PARM1: variants seen among roughly 807,000 people sequenced by gnomAD.
The protein encoded by PARM1 is WSC4, cell wall integrity and stress response component 4 homolog.
PARM1 carries 14 observed loss-of-function variants against 24.6 expected under a neutral mutation model. The ratio of observed to expected loss-of-function variants is 0.57; its 90% CI spans 0.38 to 0.89. The LOEUF is 0.89. Among genes scored for constraint, PARM1 ranks in the 40% least tolerant of loss-of-function variants. The pLI is 0.00. For synonymous variants in PARM1, 179 were observed against 156.6 expected (o/e 1.14, Z -1.07); for missense variants, 362 against 380.4 (o/e 0.95, Z 0.40).
chr4:75,039,426 C>T (rs1324397999), intron 3 of PARM1, among the ~76,000 whole-genome samples: 7 of 151,922 alleles, frequency 4.6e-5, no homozygotes, highest in Admixed American at 1.3e-4. Context: ...CCCAGCTGCT[C>T]GGGAGGCTGA....
In PARM1 at chr4:75,046,258, T is replaced by C. The variant is rs749995007; in HGVS notation, c.*11T>C. ...TACGATGACTCCTAACAATGGAATA[T>C]GGCCTGGGATGAGGATTAACTGTTC... On this transcript the variant is annotated 3_prime_UTR_variant, in exon 4 of 4. Transcript: ENST00000307428. 1.1e-5 allele frequency: 17 copies of C among 1,532,880 alleles called. No individual in the cohort carries two copies. Among genetic ancestry groups the C allele is most frequent in the Middle Eastern group, 1.7e-4 (1 of 5,930 alleles). 95.0% of individuals were successfully genotyped at this position (1,532,880 alleles called of 1,614,324 possible). A position where few individuals can be genotyped will look rare whatever the true frequency, so the allele number is the denominator to read the frequency against.
rs530044752 is a variant in PARM1, at chr4:74,950,390, C to T, written c.43+17020C>T. Among the ~76,000 whole-genome samples, 10 of 152,296 alleles carry T rather than the reference C, an allele frequency of 6.6e-5. No individual in the cohort carries two copies. In the South Asian group the frequency reaches 1.7e-3, roughly 25 times the overall value. On this transcript the variant is annotated intron_variant, in intron 1 of 3. Coordinates refer to ENST00000307428, the MANE Select transcript of PARM1 (RefSeq NM_015393.4). The stretch of plus-strand genomic sequence containing the variant: ...TCCTTGGCTTGGGGCTGCATCACTT[C>T]AATCTCCACCTCTGTCTCACATGGC...
At chr4:75,028,326 C>T (rs1166640289) in intron 2 of PARM1, among the ~76,000 whole-genome samples, 1 of 152,196 alleles carries the variant, frequency 6.6e-6, no homozygotes, top group African/African-American at 2.4e-5. Context: ...CCTCGCCAGT[C>T]GCCCACTTCC....
At chr4:75,045,809 C>A (rs921952856) in intron 3 of PARM1, among the ~76,000 whole-genome samples, 1 of 152,238 alleles carries the variant, frequency 6.6e-6, no homozygotes, top group African/African-American at 2.4e-5. Flanking sequence ...AGCCCAGAAC[C>A]TAAGTCAGAA....
intron 1 of PARM1, among the ~76,000 whole-genome samples, chr4:74,966,461 C>A (rs1721904108): frequency 6.6e-6 from 1 of 152,086 alleles, no homozygotes; most frequent in Non-Finnish European, 1.5e-5. Flanking sequence ...GAAGAGGATT[C>A]TTGAAGGCAA....
intron 1 of PARM1, among the ~76,000 whole-genome samples, chr4:74,999,930 A>T (rs1004129067): frequency 5.9e-5 from 9 of 152,138 alleles, no homozygotes; most frequent in African/African-American, 1.9e-4. Context: ...TAAGGTGGAA[A>T]AACACAATCA....
At chr4:74,976,812 G>A (rs1213429885) in intron 1 of PARM1, among the ~76,000 whole-genome samples, 1 of 152,184 alleles carries the variant, frequency 6.6e-6, no homozygotes, top group East Asian at 1.9e-4. Flanking sequence ...GAGGGACCCA[G>A]GTGAATAGGG....
intron 1 of PARM1, among the ~76,000 whole-genome samples, chr4:74,950,551 C>T (rs947159102): frequency 1.3e-5 from 2 of 152,186 alleles, no homozygotes; most frequent in African/African-American, 4.8e-5. Flanking sequence ...AACAAGGTGA[C>T]ATTCACACGT....
At chr4:74,958,227 G>A (rs944719593) in intron 1 of PARM1, among the ~76,000 whole-genome samples, 2 of 152,100 alleles carry the variant, frequency 1.3e-5, no homozygotes, top group African/African-American at 4.8e-5. Context: ...AAGATATTTT[G>A]ATATTTTTAT....
intron 3 of PARM1, among the ~76,000 whole-genome samples, chr4:75,041,903 A>G (rs930091260): frequency 1.3e-5 from 2 of 152,214 alleles, no homozygotes; most frequent in Admixed American, 6.5e-5. Context: ...CACATTGACA[A>G]TAAGCACAGT....
chr4:75,028,881 G>A (rs985208535), intron 2 of PARM1, among the ~76,000 whole-genome samples: 11 of 152,160 alleles, frequency 7.2e-5, no homozygotes, highest in African/African-American at 2.7e-4. Flanking sequence ...TTTTTCCAAA[G>A]AGCTCAAATA....
At chr4:74,953,677 G>A (rs150261782) in intron 1 of PARM1, among the ~76,000 whole-genome samples, 17 of 152,348 alleles carry the variant, frequency 1.1e-4, no homozygotes, top group African/African-American at 4.1e-4. Flanking sequence ...TGGGGCACAT[G>A]CTTTGGATGA....
At chr4:75,024,236 C>T (rs577974196) in intron 2 of PARM1, among the ~76,000 whole-genome samples, 70 of 147,402 alleles carry the variant, frequency 4.7e-4, no homozygotes, top group African/African-American at 1.7e-3. Flanking sequence ...CCAGCCTGGG[C>T]GGCAGAGCGA....
At chr4:74,978,061 G>C (rs1350277510) in intron 1 of PARM1, among the ~76,000 whole-genome samples, 1 of 152,164 alleles carries the variant, frequency 6.6e-6, no homozygotes, top group Non-Finnish European at 1.5e-5. Flanking sequence ...ACATTGACAA[G>C]TCTGCAAAAT....
chr4:74,979,292 G>A (rs1722200836), intron 1 of PARM1, among the ~76,000 whole-genome samples: 1 of 152,034 alleles, frequency 6.6e-6, no homozygotes, highest in African/African-American at 2.4e-5. Context: ...TATCGCCACT[G>A]ACCCAACAGA....
intron 1 of PARM1, among the ~76,000 whole-genome samples, chr4:74,981,858 GAT>G (rs745512773): frequency 8.1e-6 from 1 of 123,324 alleles, no homozygotes; most frequent in Non-Finnish European, 1.6e-5. Context: ...CAGTCTGAGT[GAT>G]AAAGTGAGAC....
intron 2 of PARM1, among the ~76,000 whole-genome samples, chr4:75,013,746 A>T (rs994933235): frequency 6.6e-6 from 1 of 152,258 alleles, no homozygotes; most frequent in Non-Finnish European, 1.5e-5. Flanking sequence ...AGTCACTGAT[A>T]TATTTCAAGG....
In PARM1 at chr4:75,046,440, T is replaced by C; in HGVS notation, c.*193T>C. ...TTTCTGGTACAAGAAGAACCATTCT[T>C]TAAAGGTGAGTGGAGGCTGATTTGC... is the stretch of plus-strand genomic sequence containing the variant. On this transcript the variant is annotated 3_prime_UTR_variant, in exon 4 of 4. Coordinates refer to ENST00000307428, the MANE Select transcript of PARM1 (RefSeq NM_015393.4). 2.0e-6 allele frequency: 1 copy of C among 495,172 alleles called. No individual in the cohort carries two copies. The highest frequency in any genetic ancestry group is 3.7e-6 in the Non-Finnish European group (1 of 272,300). 30.7% of individuals were successfully genotyped at this position (495,172 alleles called of 1,614,324 possible). A position where few individuals can be genotyped will look rare whatever the true frequency, so the allele number is the denominator to read the frequency against.
intron 1 of PARM1, among the ~76,000 whole-genome samples, chr4:74,954,629 A>G (rs538310693): frequency 1.1e-4 from 16 of 152,296 alleles, no homozygotes; most frequent in African/African-American, 3.8e-4. Flanking sequence ...CCATTCTAGC[A>G]TCGTGCGCAT....
Sources: gnomAD v4.1 joint callset for allele counts (sites outside exome capture counted in the v4.1 genomes callset) on GRCh38, gnomAD v4.1.1 for gene constraint, MANE v1.5 for transcripts, NCBI Gene and HGNC (gene_info 2026-07-23, HGNC 2026-07-21) for gene names.